QTMAN: variants seen among roughly 807,000 people sequenced by gnomAD.
QTMAN encodes the protein tRNA-queuosine alpha-mannosyltransferase.
the QTMAN span, among the ~76,000 whole-genome samples, chr2:144,288,545 G>A: frequency 2.6e-5 from 4 of 152,146 alleles, no homozygotes; most frequent in East Asian, 7.7e-4. Context: ...ATATTTTCAA[G>A]ACAGGGAAAA....
the QTMAN span, among the ~76,000 whole-genome samples, chr2:144,215,297 C>CACAT: frequency 6.0e-4 from 87 of 146,060 alleles, no homozygotes; most frequent in African/African-American, 2.0e-3. Flanking sequence ...CACACACACA[C>CACAT]ATATATATAT....
At chr2:144,012,127 C>T in the QTMAN span, among the ~76,000 whole-genome samples, 2 of 152,074 alleles carry the variant, frequency 1.3e-5, no homozygotes, top group African/African-American at 4.8e-5. Context: ...GAAACAGAGC[C>T]CCTCTCCTGC....
At chr2:144,041,215 CTG>C in the QTMAN span, among the ~76,000 whole-genome samples, 22 of 152,266 alleles carry the variant, frequency 1.4e-4, no homozygotes, top group Admixed American at 1.2e-3. Flanking sequence ...AAGAGGAAAA[CTG>C]TGATAACCAA....
At chr2:144,226,484 A>C in the QTMAN span, among the ~76,000 whole-genome samples, 1 of 152,194 alleles carries the variant, frequency 6.6e-6, no homozygotes, top group African/African-American at 2.4e-5. Flanking sequence ...TTCTGAGTTC[A>C]AATTTAGGAA....
chr2:143,972,927 T>G, the QTMAN span, among the ~76,000 whole-genome samples: 1 of 152,218 alleles, frequency 6.6e-6, no homozygotes, highest in South Asian at 2.1e-4. Context: ...ATGAGAGTTT[T>G]GGATGGTTTT....
the QTMAN span, among the ~76,000 whole-genome samples, chr2:144,291,915 A>G: frequency 3.2e-4 from 48 of 152,318 alleles, no homozygotes; most frequent in South Asian, 5.4e-3. Flanking sequence ...CTTTGGAAAC[A>G]TTCCTGAAAT....
chr2:143,973,499 A>T, the QTMAN span, among the ~76,000 whole-genome samples: 1 of 152,144 alleles, frequency 6.6e-6, no homozygotes, highest in Non-Finnish European at 1.5e-5. Context: ...TTTTAGAAAA[A>T]TGAGAAATTG....
At chr2:144,246,103 G>A in the QTMAN span, among the ~76,000 whole-genome samples, 5 of 152,080 alleles carry the variant, frequency 3.3e-5, no homozygotes, top group Non-Finnish European at 7.4e-5. Context: ...TAATGGGGGA[G>A]ACAGGCATAT....
chr2:144,030,143 A>G, the QTMAN span, among the ~76,000 whole-genome samples: 1 of 152,234 alleles, frequency 6.6e-6, no homozygotes, highest in East Asian at 1.9e-4. Flanking sequence ...AATGATTTGA[A>G]TAAGGGGGTT....
At chr2:144,129,893 T>C in the QTMAN span, among the ~76,000 whole-genome samples, 4 of 151,876 alleles carry the variant, frequency 2.6e-5, no homozygotes, top group Admixed American at 6.6e-5. Flanking sequence ...CACTTACTAA[T>C]AAAAATAAAT....
the QTMAN span, among the ~76,000 whole-genome samples, chr2:144,123,032 T>A: frequency 1.3e-5 from 2 of 152,050 alleles, no homozygotes; most frequent in African/African-American, 4.8e-5. Context: ...ATGACCTGCA[T>A]AATAAATGAT....
At chr2:144,128,789 C>T in the QTMAN span, among the ~76,000 whole-genome samples, 4 of 151,364 alleles carry the variant, frequency 2.6e-5, no homozygotes, top group Non-Finnish European at 4.4e-5. Flanking sequence ...TTCATTAAAA[C>T]AAAATCGACT....
the QTMAN span, among the ~76,000 whole-genome samples, chr2:144,257,314 C>G: frequency 0.011 from 1,660 of 151,904 alleles, 35 homozygotes; most frequent in African/African-American, 0.038. Context: ...CCAGTAAACT[C>G]TAATTGGAGT....
the QTMAN span, among the ~76,000 whole-genome samples, chr2:144,065,188 G>A: frequency 1.3e-5 from 2 of 152,144 alleles, no homozygotes; most frequent in East Asian, 1.9e-4. Context: ...GTGCTCTACC[G>A]AACACTAATG....
At chr2:144,024,761 T>C in the QTMAN span, among the ~76,000 whole-genome samples, 1 of 152,190 alleles carries the variant, frequency 6.6e-6, no homozygotes, top group Admixed American at 6.5e-5. Flanking sequence ...CTACACACTG[T>C]GACACAGAAA....
chr2:144,128,859 C>T, the QTMAN span, among the ~76,000 whole-genome samples: 1 of 151,870 alleles, frequency 6.6e-6, no homozygotes, highest in Non-Finnish European at 1.5e-5. Flanking sequence ...ACATTTTTGT[C>T]TGATTTTTCT....
chr2:144,328,492 A>C, the QTMAN span, among the ~76,000 whole-genome samples: 1 of 152,254 alleles, frequency 6.6e-6, no homozygotes, highest in Non-Finnish European at 1.5e-5. Context: ...TTGCAGGCAA[A>C]CTGAGTACAT....
the QTMAN span, among the ~76,000 whole-genome samples, chr2:144,212,452 A>C: frequency 6.6e-6 from 1 of 152,128 alleles, no homozygotes; most frequent in South Asian, 2.1e-4. Flanking sequence ...ACAAGAGCAA[A>C]ACTCCATCTC....
At chr2:144,294,297 T>A in the QTMAN span, 3 of 152,238 alleles carry the variant, frequency 2.0e-5, no homozygotes, top group Non-Finnish European at 2.9e-5. Flanking sequence ...CCTTTGCACA[T>A]GCTGCTCCCA....
Sources: allele counts gnomAD v4.1 joint callset (sites outside exome capture counted in the v4.1 genomes callset), GRCh38; gene constraint gnomAD v4.1.1; transcripts MANE v1.5; gene names NCBI Gene and HGNC (gene_info 2026-07-23, HGNC 2026-07-21).